Variants in ATG7 observed in about 807,000 individuals in gnomAD.
ATG7 encodes the protein ubiquitin-like modifier-activating enzyme ATG7.
ATG7 carries 70 observed loss-of-function variants against 82.4 expected under a neutral mutation model. The ratio of observed to expected loss-of-function variants is 0.85; its 90% CI spans 0.70 to 1.04. The LOEUF is 1.04. ATG7 is among the 50% of genes least tolerant of loss of function. The pLI, the probability that ATG7 is intolerant of heterozygous loss-of-function variation, is 0.00. For missense variants in ATG7, 792 were observed against 864.3 expected (o/e 0.92, Z 1.05); for synonymous variants, 287 against 313.0 (o/e 0.92, Z 0.88).
chr3:11,358,978 CTATGATGGAATAG>C (rs1489713623), intron 15 of ATG7, among the ~76,000 whole-genome samples: 1 of 152,082 alleles, frequency 6.6e-6, no homozygotes, highest in Admixed American at 6.6e-5. Context: ...TGGTGCATAC[CTATGATGGAATAG>C]TATGCAGCCA....
intron 11 of ATG7, among the ~76,000 whole-genome samples, chr3:11,337,876 CCT>C (rs1222064932): frequency 1.3e-5 from 2 of 152,000 alleles, no homozygotes; most frequent in Non-Finnish European, 2.9e-5. Flanking sequence ...CAAGAGAAAA[CCT>C]AGGCTGGAGT....
At chr3:11,535,218 C>T (rs1165681543) in intron 20 of ATG7, among the ~76,000 whole-genome samples, 1 of 152,200 alleles carries the variant, frequency 6.6e-6, no homozygotes, top group Non-Finnish European at 1.5e-5. Flanking sequence ...CAGCCCTTTG[C>T]CCCCTCTAGC....
At chr3:11,352,309 CAT>C (rs2075616635) in intron 14 of ATG7, among the ~76,000 whole-genome samples, 3 of 152,152 alleles carry the variant, frequency 2.0e-5, no homozygotes, top group Non-Finnish European at 4.4e-5. Context: ...CCGCAATAAA[CAT>C]ATGTGTGCAT....
At chr3:11,292,361 A>G (rs1294708973) in intron 3 of ATG7, among the ~76,000 whole-genome samples, 2 of 151,504 alleles carry the variant, frequency 1.3e-5, no homozygotes, top group Non-Finnish European at 2.9e-5. Flanking sequence ...CTGGGTTCAA[A>G]CAATTCTCCT....
intron 1 of ATG7, among the ~76,000 whole-genome samples, chr3:11,278,457 G>T (rs1942363356): frequency 6.6e-6 from 1 of 152,166 alleles, no homozygotes. Context: ...CTCCGTTCAG[G>T]GTCCGTGACT....
intron 7 of ATG7, among the ~76,000 whole-genome samples, chr3:11,310,362 T>G (rs1329169288): frequency 6.6e-6 from 1 of 152,142 alleles, no homozygotes; most frequent in Non-Finnish European, 1.5e-5. Context: ...CCACTTCTTT[T>G]TTTGGCAAGT....
At chr3:11,567,632 GCAATGAATGCCT>G in the ATG7 span, among the ~76,000 whole-genome samples, 2 of 152,164 alleles carry the variant, frequency 1.3e-5, no homozygotes, top group African/African-American at 4.8e-5. Flanking sequence ...ACAGGTTTCT[GCAATGAATGCCT>G]CAAGGGTTAT....
At position 11,504,253 on chromosome 3, in the gene ATG7, A is replaced by G. The variant is rs568983795; in HGVS notation, c.2080-50558A>G. On this transcript the variant is annotated intron_variant, in intron 20 of 20. Coordinates refer to ENST00000693202, the MANE Select transcript of ATG7 (RefSeq NM_001349232.2). ...GGAAATCAATGCAACAATGCTTTCA[A>G]ACAATAAAGGGAAATTATATCTAAT... is the stretch of plus-strand genomic sequence containing the variant. Among the ~76,000 whole-genome samples the G allele has an allele frequency of 3.3e-5, 5 of 152,368 alleles. No homozygotes were observed. In the South Asian group the frequency reaches 1.0e-3, roughly 32 times the overall value.
chr3:11,308,950 G>C (rs923341014), intron 6 of ATG7, 34 bp from the exon 7 acceptor site: 3 of 1,587,076 alleles, frequency 1.9e-6, no homozygotes, highest in African/African-American at 2.7e-5. Context: ...GAGATGCCTG[G>C]TAACCTGCCT....
intron 14 of ATG7, among the ~76,000 whole-genome samples, chr3:11,352,960 A>C (rs947780046): frequency 6.6e-6 from 1 of 152,240 alleles, no homozygotes; most frequent in African/African-American, 2.4e-5. Flanking sequence ...GAACTGTGTT[A>C]AATGCAGACT....
In ATG7 at chr3:11,365,754, G is replaced by A. The variant is rs187251596; in HGVS notation, c.1875+1020G>A. On this transcript the variant is annotated intron_variant, in intron 18 of 20. Coordinates refer to ENST00000693202, the MANE Select transcript of ATG7 (RefSeq NM_001349232.2). The stretch of plus-strand genomic sequence containing the variant: ...GGATGAGAATCAGAAGAGGGGAAAC[G>A]ACTTCTTCATGGTCACAGAGACTTA... Among the ~76,000 whole-genome samples, 8 of 152,238 alleles carry A rather than the reference G, an allele frequency of 5.3e-5. No individual in the cohort carries two copies. In the East Asian group the frequency reaches 5.8e-4, roughly 11 times the overall value.
At position 11,313,359 on chromosome 3, in the gene ATG7, C is replaced by T; in HGVS notation, c.467C>T (p.Pro156Leu). Residue 156 changes from proline (P) to leucine (L), a missense_variant, in exon 8 of 21, where the codon CCA (proline) becomes CTA (leucine). By Grantham distance (98) the Pro-to-Leu change is moderately conservative. Transcript: ENST00000693202. ...TTTTGCTATCCTGCCCTCTGTCTTC[C>T]AGAGAGTTTACCTCTCATTCAGGGG... is the stretch of plus-strand genomic sequence containing the variant. The part of the protein sequence containing the change: ...YWFCYPALCL[P>L]ESLPLIQGPV... The T allele has an allele frequency of 1.9e-5, 30 of 1,613,040 alleles. No individual in the cohort carries two copies. The highest frequency in any genetic ancestry group is 2.5e-5 in the Non-Finnish European group (30 of 1,179,402).
At chr3:11,511,714 T>C (rs912103342) in intron 20 of ATG7, among the ~76,000 whole-genome samples, 57 of 152,146 alleles carry the variant, frequency 3.7e-4, no homozygotes, top group Middle Eastern at 3.4e-3. Flanking sequence ...TCAGGCATGG[T>C]GGGCTGCAGG....
At chr3:11,373,303 G>T (rs1397546640) in intron 18 of ATG7, among the ~76,000 whole-genome samples, 3 of 152,190 alleles carry the variant, frequency 2.0e-5, no homozygotes, top group African/African-American at 7.2e-5. Context: ...AAATTAGGTG[G>T]TGTGGTGGTA....
intron 19 of ATG7, among the ~76,000 whole-genome samples, chr3:11,390,983 A>T (rs2078754782): frequency 1.3e-5 from 2 of 152,228 alleles, no homozygotes; most frequent in South Asian, 4.1e-4. Context: ...GGTATGATGT[A>T]GTTGCAGTAC....
At chr3:11,329,493 A>G (rs922894816) in intron 9 of ATG7, among the ~76,000 whole-genome samples, 2 of 152,102 alleles carry the variant, frequency 1.3e-5, no homozygotes, top group African/African-American at 4.8e-5. Context: ...CTCACTCTAC[A>G]TCCTTCCTTT....
At chr3:11,404,498 C>T (rs2080145160) in intron 19 of ATG7, among the ~76,000 whole-genome samples, 1 of 151,680 alleles carries the variant, frequency 6.6e-6, no homozygotes, top group South Asian at 2.1e-4. Flanking sequence ...TCTGCCTTGC[C>T]TTTTATCTCC....
chr3:11,296,269 A>G (rs1476326109), intron 3 of ATG7, among the ~76,000 whole-genome samples: 1 of 151,914 alleles, frequency 6.6e-6, no homozygotes, highest in Admixed American at 6.6e-5. Context: ...GTCTTTCATT[A>G]TTACTCTTCT....
chr3:11,364,169 C>G (rs2076450094), intron 17 of ATG7, among the ~76,000 whole-genome samples: 1 of 152,216 alleles, frequency 6.6e-6, no homozygotes, highest in African/African-American at 2.4e-5. Flanking sequence ...ATTCATTCTT[C>G]ACTTTTATTT....
Sources: allele counts gnomAD v4.1 joint callset (sites outside exome capture counted in the v4.1 genomes callset), GRCh38; gene constraint gnomAD v4.1.1; transcripts MANE v1.5; gene names NCBI Gene and HGNC (gene_info 2026-07-23, HGNC 2026-07-21).